INPP4A: variants seen among roughly 807,000 people sequenced by gnomAD.
INPP4A encodes inositol polyphosphate-4-phosphatase type I A.
In INPP4A, 33 loss-of-function variants were observed where a neutral mutation model predicts 119.8. The observed-to-expected ratio is 0.28, with a 90% CI of 0.21 to 0.37. The LOEUF (loss-of-function observed/expected upper bound fraction) is 0.37, where lower values mean the gene tolerates loss of function less well. INPP4A is among the 10% of genes least tolerant of loss of function. The pLI is 1.00. For missense variants in INPP4A, 956 were observed against 1,289.9 expected, an observed-to-expected ratio of 0.74 and a Z score of 3.97; for synonymous variants, 496 against 500.7, an observed-to-expected ratio of 0.99 and a Z score of 0.12.
intron 1 of INPP4A, among the ~76,000 whole-genome samples, chr2:98,468,895 C>T (rs148807713): frequency 8.9e-5 from 13 of 146,424 alleles, no homozygotes; most frequent in African/African-American, 3.3e-4. Context: ...ATGCCTCCCA[C>T]AGTGGTTGCT....
In INPP4A at chr2:98,455,888, G is replaced by A. The variant is rs117907000; in HGVS notation, c.-166+10803G>A. Among the ~76,000 whole-genome samples the A allele has an allele frequency of 6.7e-4, 102 of 152,340 alleles. 2 individuals are homozygous for A. The East Asian group carries it at 0.01, about 15-fold the overall frequency. On this transcript the variant is annotated intron_variant, in intron 1 of 24. Transcript: ENST00000409851. ...CAAGGATATGTCAGTGGAGAGGGAA[G>A]CTGCCTGTGTGTCACACAGACCACA...
chr2:98,590,551 GT>G lies in INPP4A; in HGVS notation c.*2945del, dbSNP rs1349097301. 1 of 196,162 alleles carries G rather than the reference GT, an allele frequency of 5.1e-6. No homozygotes were observed. Among genetic ancestry groups the G allele is most frequent in the Non-Finnish European group, 1.1e-5 (1 of 94,656 alleles). The allele number at this position is 196,162 out of a possible 1,614,324, so 12.2% of individuals were successfully genotyped here. A position where few individuals can be genotyped will look rare whatever the true frequency, so the allele number is the denominator to read the frequency against. On this transcript the variant is annotated 3_prime_UTR_variant, in exon 25 of 25. Coordinates refer to ENST00000409851, the MANE Select transcript of INPP4A (RefSeq NM_001134225.2). ...TACGTGTTCATAAATGGTAGCCATT[GT>G]TGTTACCTTCCCGTCTGTGAACATG... is the stretch of plus-strand genomic sequence containing the variant.
At chr2:98,585,500 G>A (rs983416194) in intron 24 of INPP4A, among the ~76,000 whole-genome samples, 8 of 152,180 alleles carry the variant, frequency 5.3e-5, no homozygotes, top group Non-Finnish European at 8.8e-5. Context: ...GTATGCAGCC[G>A]ACGTGATCAG....
chr2:98,554,373 A>G lies in INPP4A; in HGVS notation c.1450A>G (p.Thr484Ala), dbSNP rs2106216034. ...CTACATTGCCTCCAAGGCCTCTCCC[A>G]CTTCGACTGAGGAGGAGCAGGTGAT... ...PDYIASKASP[T>A]STEEEQVMLR... Residue 484 changes from threonine (T) to alanine (A), a missense_variant, in exon 15 of 25, where the codon ACT becomes GCT. By Grantham distance (58) the Thr-to-Ala change is moderately conservative (BLOSUM62 0). Coordinates refer to ENST00000409851, the MANE Select transcript of INPP4A (RefSeq NM_001134225.2). This position sits in a 1 kb window ranked among gnomAD's most constrained non-coding sequence, Gnocchi z 4.7. 3.1e-6 allele frequency: 5 copies of G among 1,613,638 alleles called. No individual in the cohort carries two copies. Among genetic ancestry groups the G allele is most frequent in the South Asian group, 1.1e-5 (1 of 90,970 alleles).
At chr2:98,529,146 T>A (rs1423951434) in intron 4 of INPP4A, among the ~76,000 whole-genome samples, 1 of 152,134 alleles carries the variant, frequency 6.6e-6, no homozygotes, top group Non-Finnish European at 1.5e-5. Flanking sequence ...GTATGTGGTG[T>A]GTTTATACAA....
At position 98,564,622 on chromosome 2, in the gene INPP4A, C is replaced by T; in HGVS notation, c.2029-18C>T. On this transcript the variant is annotated intron_variant, in intron 18 of 24. Coordinates refer to ENST00000409851, the MANE Select transcript of INPP4A (RefSeq NM_001134225.2). ...GCAGGCACCTGACCCTGAACCTCTT[C>T]ACCCCACGCTCCCACAGCTGACCGC... 2 of 1,612,676 alleles carry T rather than the reference C, an allele frequency of 1.2e-6. No homozygotes were observed. Among genetic ancestry groups the T allele is most frequent in the East Asian group, 2.2e-5 (1 of 44,878 alleles).
At chr2:98,567,810 A>T (rs1696745521) in intron 21 of INPP4A, among the ~76,000 whole-genome samples, 2 of 152,230 alleles carry the variant, frequency 1.3e-5, no homozygotes, top group South Asian at 4.1e-4. Context: ...GCGTCTAGAG[A>T]AAAGGCCATT....
At chr2:98,562,416 G>A (rs1010306165) in intron 17 of INPP4A, among the ~76,000 whole-genome samples, 3 of 152,202 alleles carry the variant, frequency 2.0e-5, no homozygotes, top group Non-Finnish European at 2.9e-5. Flanking sequence ...CGGTCTCTGA[G>A]ATTCTGTTTA....
Position 98,463,892 on chromosome 2 carries a change from T to A in INPP4A, c.-166+18807T>A, listed in dbSNP as rs1487139685. 2.0e-5 allele frequency among the ~76,000 whole-genome samples: 3 copies of A among 152,162 alleles called. No homozygotes were observed. The East Asian group carries it at 5.8e-4, about 29-fold the overall frequency. ...AGCTTTTCCTCCAGTCTCTGCTCGC[T>A]CCGTGCACAGCCCTTGTCTCCTGCC... is the stretch of plus-strand genomic sequence containing the variant. On this transcript the variant is annotated intron_variant, in intron 1 of 24. Transcript: ENST00000409851.
Position 98,588,253 on chromosome 2 carries a change from C to T in INPP4A, c.*645C>T, listed in dbSNP as rs1700130105. 4.8e-6 allele frequency: 1 copy of T among 208,554 alleles called. No homozygotes were observed. The highest frequency in any genetic ancestry group is 9.7e-6 in the Non-Finnish European group (1 of 102,628). 12.9% of individuals were successfully genotyped at this position (208,554 alleles called of 1,614,324 possible). A position where few individuals can be genotyped will look rare whatever the true frequency, so the allele number is the denominator to read the frequency against. ...GCAAGGTACCCCACATAGTTGGGGC[C>T]ACTCTTTTTTCTGTCCCTTATGAGT... On this transcript the variant is annotated 3_prime_UTR_variant, in exon 25 of 25. Coordinates refer to ENST00000409851, the MANE Select transcript of INPP4A (RefSeq NM_001134225.2).
chr2:98,508,526 T>C (rs1256775399), intron 1 of INPP4A, among the ~76,000 whole-genome samples: 1 of 152,166 alleles, frequency 6.6e-6, no homozygotes, highest in African/African-American at 2.4e-5. Flanking sequence ...CGTGTCCTTA[T>C]CTCTTCAGTT....
In INPP4A at chr2:98,572,796, A is replaced by G. The variant is rs2106436553; in HGVS notation, c.2519-19A>G. The G allele has an allele frequency of 1.3e-6, 2 of 1,531,616 alleles. No homozygotes were observed. Among genetic ancestry groups the G allele is most frequent in the East Asian group, 2.5e-5 (1 of 40,664 alleles). The allele number at this position is 1,531,616 out of a possible 1,614,324, so 94.9% of individuals were successfully genotyped here. A position where few individuals can be genotyped will look rare whatever the true frequency, so the allele number is the denominator to read the frequency against. On this transcript the variant is annotated intron_variant, in intron 22 of 24. Transcript: ENST00000409851. ...CCTGGGTGCGTCACCCACTCCCACG[A>G]ACTCCTTTTCTCTTCCAGGCCTGCC...
At chr2:98,511,396 T>C (rs1685101890) in intron 1 of INPP4A, among the ~76,000 whole-genome samples, 1 of 152,148 alleles carries the variant, frequency 6.6e-6, no homozygotes, top group South Asian at 2.1e-4. Context: ...CCTAGCAGCG[T>C]TGGATGGATG....
intron 1 of INPP4A, among the ~76,000 whole-genome samples, chr2:98,460,099 TCG>T (rs1491389865): frequency 4.0e-5 from 5 of 126,054 alleles, no homozygotes; most frequent in East Asian, 4.2e-4. Context: ...GGTTTGGTCA[TCG>T]TGTGTGTGTG....
rs1434640594 is a variant in INPP4A, at chr2:98,554,037, C to T, written c.1348-234C>T. ...CAGAGAATGTCAGAGATTTCTCAAC[C>T]TCTTCTCTTCCTTGGTGGGAAATTC... On this transcript the variant is annotated intron_variant, in intron 14 of 24. Coordinates refer to ENST00000409851, the MANE Select transcript of INPP4A (RefSeq NM_001134225.2). The surrounding 1 kb of genome is among the most constrained non-coding windows in gnomAD (Gnocchi z 4.7). Among the ~76,000 whole-genome samples the T allele has an allele frequency of 6.6e-6, 1 of 152,234 alleles. No individual in the cohort carries two copies. The highest frequency in any genetic ancestry group is 1.5e-5 in the Non-Finnish European group (1 of 68,040).
chr2:98,531,794 C>T (rs761049213), intron 4 of INPP4A, among the ~76,000 whole-genome samples: 1 of 152,142 alleles, frequency 6.6e-6, no homozygotes, highest in Non-Finnish European at 1.5e-5. Flanking sequence ...AATGTCAGCA[C>T]CACACTTACA....
chr2:98,520,105 G>T lies in INPP4A; in HGVS notation c.57G>T (p.Arg19=). The T allele has an allele frequency of 6.3e-7, 1 of 1,576,790 alleles. No individual in the cohort carries two copies. Among genetic ancestry groups the T allele is most frequent in the Non-Finnish European group, 8.6e-7 (1 of 1,159,920 alleles). ...GTGCCAGGGCCCGTGCAATGCAGCG[G>T]GCTTCCACCATCGACGTGGCGGCCG... The part of the protein sequence containing the change: ...RHGARARAMQ[R]ASTIDVAADM... Residue 19 remains arginine (R), a synonymous_variant, in exon 3 of 25, where the codon CGG becomes CGT. Coordinates refer to ENST00000409851, the MANE Select transcript of INPP4A (RefSeq NM_001134225.2).
intron 23 of INPP4A, among the ~76,000 whole-genome samples, chr2:98,573,342 C>A (rs1305066376): frequency 1.3e-5 from 2 of 152,222 alleles, no homozygotes; most frequent in Admixed American, 6.5e-5. Context: ...CAAGCACTTA[C>A]CCTGCTCATA....
At chr2:98,481,833 C>T (rs1678528699) in intron 1 of INPP4A, among the ~76,000 whole-genome samples, 1 of 152,208 alleles carries the variant, frequency 6.6e-6, no homozygotes, top group African/African-American at 2.4e-5. Context: ...TGCTCCCTGT[C>T]CACGCACCAC....
Sources: gnomAD v4.1 joint callset for allele counts (sites outside exome capture counted in the v4.1 genomes callset) on GRCh38, gnomAD v4.1.1 for gene constraint, Gnocchi (gnomAD v3.1) non-coding constraint, MANE v1.5 for transcripts, NCBI Gene and HGNC (gene_info 2026-07-23, HGNC 2026-07-21) for gene names.